Variants in CEMIP2 observed in about 807,000 individuals in gnomAD.
CEMIP2 encodes the protein cell migration inducing hyaluronidase 2, also known as cell surface hyaluronidase CEMIP2.
Under a neutral mutation model 146.9 loss-of-function variants are expected in CEMIP2, and 79 were observed. The ratio of observed to expected loss-of-function variants is 0.54; its 90% CI spans 0.45 to 0.65. The LOEUF (loss-of-function observed/expected upper bound fraction) is 0.65, where lower values mean the gene tolerates loss of function less well. Among genes scored for constraint, CEMIP2 ranks in the 30% least tolerant of loss-of-function variants. The pLI is 0.00. For synonymous variants in CEMIP2, 601 were observed against 606.3 expected, an observed-to-expected ratio of 0.99 and a Z score of 0.13; for missense variants, 1,596 against 1,696.2, an observed-to-expected ratio of 0.94 and a Z score of 1.04.
At chr9:71,763,862 T>A (rs1253540164) in intron 1 of CEMIP2, among the ~76,000 whole-genome samples, 2 of 152,236 alleles carry the variant, frequency 1.3e-5, no homozygotes, top group African/African-American at 4.8e-5. Context: ...ACCCTATGCT[T>A]AATTTATCTC....
At chr9:71,701,895 A>G (rs773628049) in intron 18 of CEMIP2, among the ~76,000 whole-genome samples, 1 of 152,178 alleles carries the variant, frequency 6.6e-6, no homozygotes, top group Non-Finnish European at 1.5e-5. Context: ...TTGTTCAATC[A>G]TCATCACTAT....
chr9:71,765,018 G>A (rs961247883), intron 1 of CEMIP2, among the ~76,000 whole-genome samples: 26 of 151,660 alleles, frequency 1.7e-4, no homozygotes, highest in African/African-American at 4.6e-4. Context: ...GGATGTTACC[G>A]TACAAAACCA....
rs747305221 is a variant in CEMIP2 at position 71,704,592 on chromosome 9, T to C, written c.3194+3A>G. 1.2e-5 allele frequency: 20 copies of C among 1,613,968 alleles called. No homozygotes were observed. The highest frequency in any genetic ancestry group is 1.6e-4 in the Middle Eastern group (1 of 6,084). On this transcript the variant is annotated splice_donor_region_variant and intron_variant, in intron 18 of 23. Transcript: ENST00000377044. ...ATTTGAAATAACAGTAACAGAAACA[T>C]ACTTGTTGAAGTTGACGAGGTATAG...
At chr9:71,752,271 A>C (rs1334051739) in intron 1 of CEMIP2, among the ~76,000 whole-genome samples, 1 of 151,638 alleles carries the variant, frequency 6.6e-6, no homozygotes, top group Non-Finnish European at 1.5e-5. Flanking sequence ...TAAGTCTAAA[A>C]GGCCTATTAA....
chr9:71,765,300 C>T (rs1211292419), intron 1 of CEMIP2, among the ~76,000 whole-genome samples: 1 of 152,300 alleles, frequency 6.6e-6, no homozygotes, highest in East Asian at 1.9e-4. Context: ...CTTTAAAAAA[C>T]TTTTGAAAGT....
In CEMIP2 at chr9:71,684,399, A is replaced by C. The variant is rs1473921245; in HGVS notation, c.*798T>G. 1 of 152,652 alleles carries C rather than the reference A, an allele frequency of 6.6e-6. No individual in the cohort carries two copies. Among genetic ancestry groups the C allele is most frequent in the Non-Finnish European group, 1.5e-5 (1 of 68,058 alleles). 9.5% of individuals were successfully genotyped at this position (152,652 alleles called of 1,614,324 possible). ...TCTTAAAACAAAACAAAACAAAACAAAAAAGGAAATATTCAGTTGAGCTCT... is the reference window on the plus strand; with the variant it reads ...TCTTAAAACAAAACAAAACAAAACACAAAAGGAAATATTCAGTTGAGCTCT... On this transcript the variant is annotated 3_prime_UTR_variant, in exon 24 of 24. Transcript: ENST00000377044.
intron 1 of CEMIP2, among the ~76,000 whole-genome samples, chr9:71,755,186 C>CT (rs34989743): frequency 0.24 from 31,074 of 127,780 alleles, 4,511 homozygotes; most frequent in African/African-American, 0.43. Flanking sequence ...GGAAATCATG[C>CT]TTTTTTTTTT....
rs1554684816 is a variant in CEMIP2, at chr9:71,728,305, A to ATGTATATATATATATATATATATG, written c.2049+1539_2049+1540insCATATATATATATATATATATACA. 4.6e-5 allele frequency among the ~76,000 whole-genome samples: 3 copies of ATGTATATATATATATATATATATG among 65,676 alleles called. 1 individual carries two copies. The highest frequency in any genetic ancestry group is 9.1e-5 in the Non-Finnish European group (3 of 32,828). The allele number at this position is 65,676 out of a possible 152,430, so 43.1% of individuals were successfully genotyped here. On this transcript the variant is annotated intron_variant, in intron 10 of 23. Transcript: ENST00000377044. ...TGTATATATATATATATATATACAT[A>ATGTATATATATATATATATATATG]TATATATATATACGTATATATATAT...
rs1178876124 is a variant in CEMIP2 at position 71,745,465 on chromosome 9, T to C, written c.587A>G (p.Tyr196Cys). ...CAAGGTAATTGTCGCTTTGGATTTA[T>C]AGCGGCATTTTTCTGCTCCAATATG... ...ALHIGAEKCR[Y>C]KSKATITLYG... is the part of the protein sequence containing the mutation. The change falls in exon 4 of 24, where the codon TAT (tyrosine) becomes TGT (cysteine). Residue 196 changes from tyrosine (Y) to cysteine (C), a missense_variant. Tyr to Cys is a radical substitution (Grantham distance 194). Transcript: ENST00000377044. The C allele has an allele frequency of 6.2e-7, 1 of 1,614,080 alleles. No individual in the cohort carries two copies. The highest frequency in any genetic ancestry group is 1.1e-5 in the South Asian group (1 of 91,086).
At chr9:71,703,698 C>T (rs1822642189) in intron 18 of CEMIP2, among the ~76,000 whole-genome samples, 1 of 152,118 alleles carries the variant, frequency 6.6e-6, no homozygotes, top group South Asian at 2.1e-4. Flanking sequence ...ATAGTCCCAT[C>T]CCACCTTCCT....
intron 19 of CEMIP2, chr9:71,699,531 A>C (rs190663372): frequency 5.3e-6 from 2 of 375,112 alleles, no homozygotes; most frequent in Admixed American, 6.4e-5. Context: ...AAAACTTTTA[A>C]GCTGATAACA....
intron 4 of CEMIP2, 93 bp downstream of exon 4, chr9:71,744,925 G>A (rs772470265): frequency 7.3e-7 from 1 of 1,370,896 alleles, no homozygotes; most frequent in Non-Finnish European, 9.9e-7. Context: ...TGATGCCTGA[G>A]TCATGCTGTG....
intron 7 of CEMIP2, among the ~76,000 whole-genome samples, chr9:71,731,218 C>G (rs1823607138): frequency 6.6e-6 from 1 of 152,206 alleles, no homozygotes; most frequent in Non-Finnish European, 1.5e-5. Context: ...CATTCCCAGT[C>G]TCGTCTTGTT....
At chr9:71,705,036 C>T (rs928996857) in intron 17 of CEMIP2, 1 of 505,334 alleles carries the variant, frequency 2.0e-6, no homozygotes, top group Non-Finnish European at 3.6e-6. Flanking sequence ...TTCATCATCG[C>T]TTCCACCACT....
rs988375161 is a variant in CEMIP2, at chr9:71,732,532, G to A, written c.1394-12C>T. 9.6e-6 allele frequency: 15 copies of A among 1,569,336 alleles called. No homozygotes were observed. In the Admixed American group the frequency reaches 1.5e-4, roughly 16 times the overall value. ...GAACTGAGGGGTTTCTGGTTGATATGAGCAAGGAAAAAAAAGAATATTAGA... is the reference window on the plus strand; with the variant it reads ...GAACTGAGGGGTTTCTGGTTGATATAAGCAAGGAAAAAAAAGAATATTAGA... On this transcript the variant is annotated splice_polypyrimidine_tract_variant and intron_variant, in intron 6 of 23. Transcript: ENST00000377044.
At chr9:71,715,625 G>GAGATATATATATATAT (rs140408118) in intron 14 of CEMIP2, among the ~76,000 whole-genome samples, 9 of 119,068 alleles carry the variant, frequency 7.6e-5, no homozygotes, top group African/African-American at 2.6e-4. Context: ...TCCCTCTTAA[G>GAGATATATATATATAT]ATATATATAT....
chr9:71,712,888 C>A (rs1375818466), intron 15 of CEMIP2, among the ~76,000 whole-genome samples: 1 of 152,170 alleles, frequency 6.6e-6, no homozygotes, highest in Non-Finnish European at 1.5e-5. Flanking sequence ...TGTATAGGAA[C>A]TGGTAATATT....
At chr9:71,719,301 C>T (rs548566191) in intron 12 of CEMIP2, among the ~76,000 whole-genome samples, 1 of 152,226 alleles carries the variant, frequency 6.6e-6, no homozygotes, top group African/African-American at 2.4e-5. Flanking sequence ...GAGAAAATAG[C>T]AAGTGCAAAT....
chr9:71,758,236 T>A (rs1824523190), intron 1 of CEMIP2, among the ~76,000 whole-genome samples: 1 of 152,214 alleles, frequency 6.6e-6, no homozygotes, highest in Admixed American at 6.5e-5. Flanking sequence ...TGTATTAGCA[T>A]ACTCTCAAAG....
Sources: gnomAD v4.1 joint callset for allele counts (sites outside exome capture counted in the v4.1 genomes callset) on GRCh38, gnomAD v4.1.1 for gene constraint, MANE v1.5 for transcripts, NCBI Gene and HGNC (gene_info 2026-07-23, HGNC 2026-07-21) for gene names.